PARVB: variants seen among roughly 807,000 people sequenced by gnomAD.
The protein encoded by PARVB is beta-parvin.
A neutral mutation model predicts 47.0 loss-of-function variants in PARVB; 46 were observed. That is an observed-to-expected ratio of 0.98 (90% CI 0.77 to 1.25). PARVB has a LOEUF of 1.25. PARVB is among the 50% of genes most tolerant of loss of function. The probability of loss-of-function intolerance (pLI) is 0.00; values close to 1 mark genes in which losing one functional copy is unlikely to be tolerated. For synonymous variants in PARVB, 196 were observed against 196.3 expected (o/e 1.00, Z 0.01); for missense variants, 473 against 471.6 (o/e 1.00, Z -0.03).
intron 3 of PARVB, chr22:44,111,799 A>T (rs1343455847): frequency 6.6e-6 from 1 of 151,748 alleles, no homozygotes; most frequent in Non-Finnish European, 1.5e-5. Flanking sequence ...GCAAAATATT[A>T]TGAGTAGTCA....
chr22:44,041,098 G>A (rs1312895118), intron 1 of PARVB, among the ~76,000 whole-genome samples: 1 of 152,214 alleles, frequency 6.6e-6, no homozygotes, highest in Non-Finnish European at 1.5e-5. Context: ...AATGCTGATG[G>A]ATTGCTGGAT....
chr22:44,024,905 A>C (rs2050704033), intron 1 of PARVB, among the ~76,000 whole-genome samples: 2 of 152,198 alleles, frequency 1.3e-5, no homozygotes, highest in African/African-American at 4.8e-5. Context: ...TGCGGGGCTC[A>C]GGGCGTGCAG....
chr22:44,039,791 A>T, intron 1 of PARVB: 1 of 450,038 alleles, frequency 2.2e-6, no homozygotes, highest in Non-Finnish European at 4.4e-6. Context: ...ACAGACCAAA[A>T]GAGTACACAC....
intron 1 of PARVB, chr22:44,031,290 G>T (rs1351223510): frequency 6.6e-6 from 1 of 152,202 alleles, no homozygotes; most frequent in Non-Finnish European, 1.5e-5. Context: ...CTCTTGGGCT[G>T]AGAGGAAGTG....
upstream of PARVB, among the ~76,000 whole-genome samples, chr22:44,019,471 C>T (rs995571256): frequency 6.6e-5 from 10 of 152,222 alleles, no homozygotes; most frequent in African/African-American, 2.2e-4. Context: ...CTGCTGGCCT[C>T]GGCCTCTCAA....
intron 7 of PARVB, 62 bp downstream of exon 7, chr22:44,136,580 C>A: frequency 1.4e-6 from 2 of 1,414,000 alleles, no homozygotes; most frequent in Non-Finnish European, 2.0e-6. Flanking sequence ...GGACCCCAGG[C>A]TGCCACTTCA....
intron 1 of PARVB, among the ~76,000 whole-genome samples, chr22:44,043,369 CTTATTTAT>C (rs752316790): frequency 3.6e-4 from 55 of 151,658 alleles, no homozygotes; most frequent in African/African-American, 7.2e-4. Context: ...GAATTGTACA[CTTATTTAT>C]TTATTTATTT....
At chr22:44,033,950 C>T (rs1031510909) in intron 1 of PARVB, among the ~76,000 whole-genome samples, 4 of 151,986 alleles carry the variant, frequency 2.6e-5, no homozygotes, top group African/African-American at 9.7e-5. Context: ...ACTGACCAGG[C>T]CCCACTTTAA....
intron 1 of PARVB, among the ~76,000 whole-genome samples, chr22:44,077,539 C>T (rs2051804339): frequency 1.3e-5 from 2 of 152,168 alleles, no homozygotes; most frequent in African/African-American, 4.8e-5. Flanking sequence ...TCCAGATCCC[C>T]AGACCTATCT....
At chr22:44,110,213 A>G (rs2052664842) in intron 3 of PARVB, 1 of 151,138 alleles carries the variant, frequency 6.6e-6, no homozygotes, top group African/African-American at 2.4e-5. Flanking sequence ...CGCTTGAGAT[A>G]TGGCATTGAA....
intron 2 of PARVB, among the ~76,000 whole-genome samples, chr22:44,006,794 T>C (rs2050470199): frequency 6.6e-6 from 1 of 152,140 alleles, no homozygotes. Flanking sequence ...CATAGGTAAC[T>C]CAGCTCCCAC....
rs144969811 is a variant in PARVB at position 44,129,432 on chromosome 22, C to G, written c.377-2055C>G. Among the ~76,000 whole-genome samples, 170 of 152,352 alleles carry G rather than the reference C, an allele frequency of 1.1e-3. 4 individuals carry two copies. The East Asian group carries it at 0.025, about 22-fold the overall frequency. On this transcript the variant is annotated intron_variant, in intron 4 of 12. Coordinates refer to ENST00000338758, the MANE Select transcript of PARVB (RefSeq NM_013327.5). Reference sequence around the variant, plus strand: ...CCTCTGCCGACTCCTCTTCCTCCACCCTGGGTGACGTGGCCATGTTCAGTC... The same window carrying G: ...CCTCTGCCGACTCCTCTTCCTCCACGCTGGGTGACGTGGCCATGTTCAGTC...
At position 44,140,142 on chromosome 22, in the gene PARVB, C is replaced by T. The variant is rs149571024; in HGVS notation, c.711C>T (p.Phe237=). The stretch of plus-strand genomic sequence containing the variant: ...TTTGCAGGATGATGATGGGCCGGTT[C>T]GGTAAGTAACCCCAGGGAAAGTGGG... The part of the protein sequence containing the change: ...TTTTEMMMGR[F]ERDAFDTLFD... The change falls in exon 8 of 13, where the codon TTC becomes TTT. Residue 237 remains phenylalanine (F), a splice_region_variant and synonymous_variant. Transcript: ENST00000338758. 2.8e-5 allele frequency: 44 copies of T among 1,571,946 alleles called. No individual in the cohort carries two copies. The highest frequency in any genetic ancestry group is 1.7e-4 in the Middle Eastern group (1 of 5,950).
chr22:44,130,845 C>A (rs1433266677), intron 4 of PARVB, among the ~76,000 whole-genome samples: 1 of 152,102 alleles, frequency 6.6e-6, no homozygotes, highest in Non-Finnish European at 1.5e-5. Flanking sequence ...ACAGTTTTAT[C>A]CTTAACTATT....
rs925250947 is a variant in PARVB, at chr22:44,156,557, G to A, written c.844-1425G>A. On this transcript the variant is annotated intron_variant, in intron 10 of 12. Coordinates refer to ENST00000338758, the MANE Select transcript of PARVB (RefSeq NM_013327.5). ...CACCCAAAGTGCTAGGATTACAGGC[G>A]TGAGCCACTGCGCCTAGAAGTTTTT... is the stretch of plus-strand genomic sequence containing the variant. Among the ~76,000 whole-genome samples the A allele has an allele frequency of 1.1e-4, 17 of 152,230 alleles. No homozygotes were observed. The East Asian group carries it at 1.5e-3, about 14-fold the overall frequency.
intron 8 of PARVB, chr22:44,145,113 G>A (rs1447836536): frequency 1.3e-5 from 2 of 152,284 alleles, no homozygotes; most frequent in Non-Finnish European, 2.9e-5. Flanking sequence ...AGCGGGAGCT[G>A]TAAGGACTGA....
At position 44,119,706 on chromosome 22, in the gene PARVB, C is replaced by T. The variant is rs556263420; in HGVS notation, c.376+566C>T. 6.6e-5 allele frequency: 32 copies of T among 487,866 alleles called. 1 individual carries two copies. Among genetic ancestry groups the T allele is most frequent in the East Asian group, 2.5e-4 (4 of 16,210 alleles). The allele number at this position is 487,866 out of a possible 1,614,324, so 30.2% of individuals were successfully genotyped here. Reference sequence around the variant, plus strand: ...TCCCGAGGGCTGGGTACCAGGGATACGGTGATCTTTGAAACAGACGTGGTC... The same window carrying T: ...TCCCGAGGGCTGGGTACCAGGGATATGGTGATCTTTGAAACAGACGTGGTC... On this transcript the variant is annotated intron_variant, in intron 4 of 12. Coordinates refer to ENST00000338758, the MANE Select transcript of PARVB (RefSeq NM_013327.5).
At chr22:44,063,678 A>G (rs1312246582) in intron 1 of PARVB, among the ~76,000 whole-genome samples, 1 of 151,830 alleles carries the variant, frequency 6.6e-6, no homozygotes, top group Non-Finnish European at 1.5e-5. Context: ...TCCCCAGAGT[A>G]TGTGTGGTTG....
chr22:44,064,375 G>C (rs1434734814), intron 1 of PARVB, among the ~76,000 whole-genome samples: 1 of 152,230 alleles, frequency 6.6e-6, no homozygotes, highest in Non-Finnish European at 1.5e-5. Flanking sequence ...AAGGAGCTCA[G>C]AGCAGGAAAT....
Sources: allele counts gnomAD v4.1 joint callset (sites outside exome capture counted in the v4.1 genomes callset), GRCh38; gene constraint gnomAD v4.1.1; transcripts MANE v1.5; gene names NCBI Gene and HGNC (gene_info 2026-07-23, HGNC 2026-07-21).